AMN1: variants seen among roughly 807,000 people sequenced by gnomAD.
The protein encoded by AMN1 is antagonist of mitotic exit network 1 homolog, also known as protein AMN1 homolog.
Under a neutral mutation model 33.0 loss-of-function variants are expected in AMN1, and 20 were observed. That is an observed-to-expected ratio of 0.61 (90% confidence interval 0.43 to 0.88). The LOEUF (loss-of-function observed/expected upper bound fraction) is 0.88. AMN1 is among the 40% of genes least tolerant of loss of function. The probability of loss-of-function intolerance (pLI) is 0.00; values close to 1 mark genes in which losing one functional copy is unlikely to be tolerated. For synonymous variants in AMN1, 114 were observed against 111.9 expected, an observed-to-expected ratio of 1.02 and a Z score of -0.12; for missense variants, 246 against 307.4, an observed-to-expected ratio of 0.80 and a Z score of 1.49.
chr12:31,722,315 A>C (rs1443594755), intron 1 of AMN1, among the ~76,000 whole-genome samples: 3 of 152,206 alleles, frequency 2.0e-5, no homozygotes, highest in Admixed American at 2.0e-4. Context: ...TTTCACTCTG[A>C]CAATGATATG....
intron 1 of AMN1, chr12:31,714,777 T>G (rs1373051179): frequency 3.2e-6 from 1 of 311,782 alleles, no homozygotes; most frequent in Non-Finnish European, 4.7e-6. Flanking sequence ...AGCAAGAAAC[T>G]CAAAAGCAGA....
chr12:31,712,600 C>T (rs11051543), intron 1 of AMN1, among the ~76,000 whole-genome samples: 68,275 of 151,884 alleles, frequency 0.45, 16,729 homozygotes, highest in Middle Eastern at 0.57. Context: ...ATGTATTATA[C>T]CACATTTTCT....
intron 5 of AMN1, among the ~76,000 whole-genome samples, chr12:31,694,635 A>C (rs1194797947): frequency 6.6e-6 from 1 of 152,012 alleles, no homozygotes; most frequent in Non-Finnish European, 1.5e-5. Context: ...AGCCCCAGCT[A>C]TTTAGGAAGC....
chr12:31,691,350 T>C (rs971527547), intron 5 of AMN1, among the ~76,000 whole-genome samples: 3 of 151,914 alleles, frequency 2.0e-5, no homozygotes, highest in African/African-American at 7.3e-5. Context: ...AGTAAATCAG[T>C]GGTTGCCTAA....
At chr12:31,673,551 C>T in intron 6 of AMN1, 1 of 357,196 alleles carries the variant, frequency 2.8e-6, no homozygotes. Flanking sequence ...CAAAGACATA[C>T]CATTTAAATG....
chr12:31,678,394 CTTT>C (rs71062449), intron 6 of AMN1, among the ~76,000 whole-genome samples: 2 of 146,374 alleles, frequency 1.4e-5, no homozygotes, highest in African/African-American at 2.5e-5. Context: ...GAAATACAAA[CTTT>C]TTTTTTTTTT....
At chr12:31,712,155 C>A (rs1391148457) in intron 1 of AMN1, among the ~76,000 whole-genome samples, 1 of 152,024 alleles carries the variant, frequency 6.6e-6, no homozygotes, top group East Asian at 1.9e-4. Context: ...CAGCTCACTG[C>A]AGCCTTAACC....
At position 31,683,189 on chromosome 12, in the gene AMN1, C is replaced by T. The variant is rs1053402859; in HGVS notation, c.703+5818G>A. Among the ~76,000 whole-genome samples the T allele has an allele frequency of 1.6e-4, 24 of 152,176 alleles. No homozygotes were observed. The highest frequency in any genetic ancestry group is 5.8e-4 in the African/African-American group (24 of 41,440). On this transcript the variant is annotated intron_variant, in intron 6 of 6. Transcript: ENST00000281471. This position sits in a 1 kb window ranked among gnomAD's most constrained non-coding sequence, Gnocchi z 4.1. ...TATTGGCCAGGCTGGTCTCAAACTCCTAATCTCAAGTGATCTGCCTGCCTT... is the reference window on the plus strand; with the variant it reads ...TATTGGCCAGGCTGGTCTCAAACTCTTAATCTCAAGTGATCTGCCTGCCTT...
chr12:31,681,261 T>C (rs1937999930), intron 6 of AMN1, among the ~76,000 whole-genome samples: 1 of 152,172 alleles, frequency 6.6e-6, no homozygotes, highest in Non-Finnish European at 1.5e-5. Context: ...GAAGTTTCGC[T>C]CTTGTTGCTC....
At chr12:31,724,552 C>G (rs563256069) in intron 1 of AMN1, among the ~76,000 whole-genome samples, 1 of 152,046 alleles carries the variant, frequency 6.6e-6, no homozygotes. Context: ...TATTTTTTTA[C>G]CATGGTTGAC....
At chr12:31,728,501 G>A (rs1940173424) in intron 1 of AMN1, among the ~76,000 whole-genome samples, 1 of 152,316 alleles carries the variant, frequency 6.6e-6, no homozygotes, top group East Asian at 1.9e-4. Flanking sequence ...GGCAGAGCCG[G>A]GGGCTGAACC....
chr12:31,696,152 G>A (rs908780828), intron 5 of AMN1, among the ~76,000 whole-genome samples: 53 of 151,914 alleles, frequency 3.5e-4, no homozygotes, highest in African/African-American at 1.1e-3. Flanking sequence ...CTGGAGAATC[G>A]CTTGAACTTG....
At chr12:31,727,023 C>G (rs1940101268) in intron 1 of AMN1, among the ~76,000 whole-genome samples, 1 of 151,994 alleles carries the variant, frequency 6.6e-6, no homozygotes, top group Non-Finnish European at 1.5e-5. Context: ...GATTGGCTAA[C>G]TTTTTATTTT....
chr12:31,717,153 T>G (rs1294253227), intron 1 of AMN1, among the ~76,000 whole-genome samples: 2 of 152,208 alleles, frequency 1.3e-5, no homozygotes, highest in African/African-American at 4.8e-5. Context: ...CCCCTCCCTG[T>G]GTCCATGTGT....
rs147673125 is a variant in AMN1 at position 31,696,017 on chromosome 12, C to T, written c.591+1344G>A. On this transcript the variant is annotated intron_variant, in intron 5 of 6. Transcript: ENST00000281471. The stretch of plus-strand genomic sequence containing the variant: ...CAGCACTTTGGGAGGTCGAGGGGGG[C>T]GGATCACCTGAGGTCAGAAGTCTGA... Among the ~76,000 whole-genome samples, 177 of 151,594 alleles carry T rather than the reference C, an allele frequency of 1.2e-3. 1 individual carries two copies. Among genetic ancestry groups the T allele is most frequent in the African/African-American group, 4.0e-3 (167 of 41,436 alleles).
intron 2 of AMN1, among the ~76,000 whole-genome samples, chr12:31,707,498 T>C (rs188010709): frequency 1.4e-4 from 21 of 152,330 alleles, no homozygotes; most frequent in Non-Finnish European, 2.6e-4. Context: ...GAAAAGACTA[T>C]GCTATGCTGA....
In AMN1 at chr12:31,724,015, G is replaced by C. The variant is rs115389275; in HGVS notation, c.38+4956C>G. On this transcript the variant is annotated intron_variant, in intron 1 of 6. Coordinates refer to ENST00000281471, the MANE Select transcript of AMN1 (RefSeq NM_001113402.2). ...GAAAAGTAAAGCATTTGAAGTGACT[G>C]ACAATCACTCCTGTTATATAGCAGA... is the stretch of plus-strand genomic sequence containing the variant. Among the ~76,000 whole-genome samples, 974 of 152,288 alleles carry C rather than the reference G, an allele frequency of 6.4e-3. 14 individuals are homozygous for C. Among genetic ancestry groups the C allele is most frequent in the African/African-American group, 0.022 (931 of 41,546 alleles).
chr12:31,676,741 T>C (rs900872039), intron 6 of AMN1, among the ~76,000 whole-genome samples: 1 of 151,878 alleles, frequency 6.6e-6, no homozygotes, highest in Non-Finnish European at 1.5e-5. Flanking sequence ...GTCACTATTC[T>C]GTTTTGAATT....
intron 1 of AMN1, chr12:31,719,422 T>TA: frequency 1.9e-6 from 1 of 529,066 alleles, no homozygotes; most frequent in Non-Finnish European, 2.4e-6. Flanking sequence ...GACATTTTGT[T>TA]AGGGAAGTAA....
Sources: allele counts gnomAD v4.1 joint callset (sites outside exome capture counted in the v4.1 genomes callset), GRCh38; gene constraint gnomAD v4.1.1; non-coding constraint Gnocchi (gnomAD v3.1); transcripts MANE v1.5; gene names NCBI Gene and HGNC (gene_info 2026-07-23, HGNC 2026-07-21).